Variants in GUCA1B observed in about 807,000 individuals in gnomAD.
GUCA1B encodes the protein guanylate cyclase activator 1B, also known as guanylyl cyclase-activating protein 2.
Under a neutral mutation model 24.2 loss-of-function variants are expected in GUCA1B, and 22 were observed. That is an observed-to-expected ratio of 0.91 (90% CI 0.65 to 1.30). GUCA1B has a LOEUF of 1.30. GUCA1B is among the 50% of genes most tolerant of loss of function. The probability of loss-of-function intolerance (pLI) is 0.00; values close to 1 mark genes in which losing one functional copy is unlikely to be tolerated. For synonymous variants in GUCA1B, 100 were observed against 97.9 expected (o/e 1.02, Z -0.13); for missense variants, 221 against 258.8 (o/e 0.85, Z 1.00).
At position 42,184,533 on chromosome 6, in the gene GUCA1B, AG is replaced by A; in HGVS notation, c.*281del. 2.2e-6 allele frequency: 1 copy of A among 457,190 alleles called. No homozygotes were observed. The highest frequency in any genetic ancestry group is 4.1e-6 in the Non-Finnish European group (1 of 244,810). The allele number at this position is 457,190 out of a possible 1,614,324, so 28.3% of individuals were successfully genotyped here. On this transcript the variant is annotated 3_prime_UTR_variant, in exon 4 of 4. Coordinates refer to ENST00000230361, the MANE Select transcript of GUCA1B (RefSeq NM_002098.6). ...ACTGAGAACACCCAGAAACTGTGGG[AG>A]CCCCACAACCACCCAGCCAAGGCAC...
intron 1 of GUCA1B, among the ~76,000 whole-genome samples, chr6:42,190,755 A>G (rs994780162): frequency 6.6e-6 from 1 of 152,100 alleles, no homozygotes; most frequent in Non-Finnish European, 1.5e-5. Flanking sequence ...CTTAAGATCT[A>G]TTTCTGTCCA....
intron 2 of GUCA1B, among the ~76,000 whole-genome samples, chr6:42,187,692 G>C (rs1007124053): frequency 1.3e-5 from 2 of 151,914 alleles, no homozygotes; most frequent in Non-Finnish European, 2.9e-5. Context: ...CAAAGTGCTG[G>C]GGTTACATGT....
In GUCA1B at chr6:42,194,880, T is replaced by C. The variant is rs145820031; in HGVS notation, c.-60A>G. 638 of 1,242,808 alleles carry C rather than the reference T, an allele frequency of 5.1e-4. 2 individuals are homozygous for C. The East Asian group carries it at 0.013, about 24-fold the overall frequency. 77.0% of individuals were successfully genotyped at this position (1,242,808 alleles called of 1,614,324 possible). On this transcript the variant is annotated 5_prime_UTR_variant, in exon 1 of 4. Coordinates refer to ENST00000230361, the MANE Select transcript of GUCA1B (RefSeq NM_002098.6). Reference sequence around the variant, plus strand: ...GTATCTCCTCCCTGGCTTCTGCTGATGGATCTCTCCAACTAGGGCCCTCTT... The same window carrying C: ...GTATCTCCTCCCTGGCTTCTGCTGACGGATCTCTCCAACTAGGGCCCTCTT...
At chr6:42,193,074 C>CTG (rs751622548) in intron 1 of GUCA1B, among the ~76,000 whole-genome samples, 1 of 152,006 alleles carries the variant, frequency 6.6e-6, no homozygotes, top group Non-Finnish European at 1.5e-5. Context: ...ATGTGAATAA[C>CTG]TGGGGAAATT....
rs184318315 is a variant in GUCA1B, at chr6:42,194,506, G to A, written c.207+108C>T. ...AAAGAGAGACGGAGTGGAAAGAAGA[G>A]CAGAGAAAGAGCCGAGGAGTGGGGA... is the stretch of plus-strand genomic sequence containing the variant. On this transcript the variant is annotated intron_variant, in intron 1 of 3. Transcript: ENST00000230361. 8.8e-4 allele frequency: 675 copies of A among 770,094 alleles called. 15 individuals are homozygous for A. The East Asian group carries it at 0.011, about 12-fold the overall frequency. 47.7% of individuals were successfully genotyped at this position (770,094 alleles called of 1,614,324 possible). A position where few individuals can be genotyped will look rare whatever the true frequency, so the allele number is the denominator to read the frequency against.
intron 2 of GUCA1B, among the ~76,000 whole-genome samples, chr6:42,187,446 G>C (rs1307732920): frequency 6.0e-5 from 8 of 132,942 alleles, no homozygotes; most frequent in Admixed American, 5.3e-4. Flanking sequence ...TTAAAGACAA[G>C]GTTTCACTCT....
intron 2 of GUCA1B, among the ~76,000 whole-genome samples, chr6:42,188,335 CCA>C (rs1256319421): frequency 1.4e-5 from 2 of 141,688 alleles, no homozygotes; most frequent in Non-Finnish European, 3.1e-5. Flanking sequence ...TGTGTGTGTT[CCA>C]CAGAGTATGT....
intron 1 of GUCA1B, among the ~76,000 whole-genome samples, chr6:42,190,722 G>A (rs1368565762): frequency 1.3e-5 from 2 of 152,106 alleles, no homozygotes; most frequent in Non-Finnish European, 2.9e-5. Flanking sequence ...AGTGCATCAC[G>A]TCGGAAGAAC....
chr6:42,186,700 C>A (rs9471800), intron 2 of GUCA1B, among the ~76,000 whole-genome samples: 1 of 151,876 alleles, frequency 6.6e-6, no homozygotes, highest in African/African-American at 2.4e-5. Context: ...ACAGAAGCTG[C>A]GTCTTATGCA....
In GUCA1B at chr6:42,184,086, CT is replaced by C. The variant is rs1768150717; in HGVS notation, c.*728del. Among the ~76,000 whole-genome samples the C allele has an allele frequency of 1.3e-5, 2 of 151,330 alleles. No homozygotes were observed. The highest frequency in any genetic ancestry group is 1.9e-4 in the East Asian group (1 of 5,140). On this transcript the variant is annotated 3_prime_UTR_variant, in exon 4 of 4. Coordinates refer to ENST00000230361, the MANE Select transcript of GUCA1B (RefSeq NM_002098.6). ...CTGCCCCCCAAAACTCCTGCCTTTT[CT>C]TTTCTTTCTTTTTTTTTTTTTGAGA...
At chr6:42,187,508 C>A (rs917378114) in intron 2 of GUCA1B, among the ~76,000 whole-genome samples, 1 of 151,640 alleles carries the variant, frequency 6.6e-6, no homozygotes, top group Non-Finnish European at 1.5e-5. Context: ...GCAGCCTCGA[C>A]CTTCCAGGCT....
At chr6:42,192,956 A>T (rs1381764957) in intron 1 of GUCA1B, among the ~76,000 whole-genome samples, 3 of 152,178 alleles carry the variant, frequency 2.0e-5, no homozygotes, top group Non-Finnish European at 4.4e-5. Context: ...TCTTAAAAAA[A>T]GTATATGTAT....
chr6:42,185,020 C>T (rs1768170396), intron 3 of GUCA1B, 78 bp from the exon 4 acceptor site: 2 of 1,392,108 alleles, frequency 1.4e-6, no homozygotes, highest in Non-Finnish European at 2.0e-6. Flanking sequence ...AGACCTCGCT[C>T]CCAGGATGCG....
intron 1 of GUCA1B, among the ~76,000 whole-genome samples, chr6:42,192,349 A>G (rs564919357): frequency 0.085 from 4,260 of 49,840 alleles, 386 homozygotes; most frequent in African/African-American, 0.27. Flanking sequence ...GCGAGACTCC[A>G]ACTCAAAAAA....
intron 1 of GUCA1B, among the ~76,000 whole-genome samples, chr6:42,189,971 A>G (rs1768274457): frequency 6.6e-6 from 1 of 152,126 alleles, no homozygotes; most frequent in Admixed American, 6.5e-5. Context: ...ATCCCCCAGG[A>G]GTGCCTGTCA....
intron 1 of GUCA1B, among the ~76,000 whole-genome samples, chr6:42,191,225 T>C (rs540461159): frequency 2.8e-4 from 43 of 152,276 alleles, no homozygotes; most frequent in African/African-American, 9.9e-4. Context: ...ATGCATGTTA[T>C]ATAAGAATCC....
rs75437254 is a variant in GUCA1B, at chr6:42,183,612, A to G, written c.*1203T>C. 0.014 allele frequency among the ~76,000 whole-genome samples: 2,180 copies of G among 152,340 alleles called. 53 individuals are homozygous for G. The highest frequency in any genetic ancestry group is 0.05 in the African/African-American group (2,076 of 41,568). ...AGTCCGACCTGCTCACTGTGCTGCC[A>G]AGACATAACCAAGGTTAGGGAGGAG... On this transcript the variant is annotated 3_prime_UTR_variant, in exon 4 of 4. Transcript: ENST00000230361.
Position 42,185,760 on chromosome 6 carries a change from A to C in GUCA1B, c.395T>G (p.Leu132Arg). 6.2e-7 allele frequency: 1 copy of C among 1,613,416 alleles called. No homozygotes were observed. The highest frequency in any genetic ancestry group is 8.5e-7 in the Non-Finnish European group (1 of 1,179,568). Residue 132 changes from leucine (L) to arginine (R), a missense_variant, in exon 3 of 4, where the codon CTA becomes CGA. Coordinates refer to ENST00000230361, the MANE Select transcript of GUCA1B (RefSeq NM_002098.6). ...YQLKKACRRE[L>R]QTEQGQLLTP... Reference sequence around the variant, plus strand: ...GAGCAGCTGGCCTTGCTCAGTTTGTAGCTCTCGCCGGCAGGCTTTCTTCAG... The same window carrying C: ...GAGCAGCTGGCCTTGCTCAGTTTGTCGCTCTCGCCGGCAGGCTTTCTTCAG...
rs1768160096 is a variant in GUCA1B, at chr6:42,184,490, A to C, written c.*325T>G. On this transcript the variant is annotated 3_prime_UTR_variant, in exon 4 of 4. Transcript: ENST00000230361. ...TTGGTCTGTGGGACCCTCACCCCTCAGTTGGCTCTTGCTTCCAACTGAGAA... is the reference window on the plus strand; with the variant it reads ...TTGGTCTGTGGGACCCTCACCCCTCCGTTGGCTCTTGCTTCCAACTGAGAA... 1.0e-5 allele frequency: 4 copies of C among 396,706 alleles called. No homozygotes were observed. Among genetic ancestry groups the C allele is most frequent in the Non-Finnish European group, 1.9e-5 (4 of 207,086 alleles). 24.6% of individuals were successfully genotyped at this position (396,706 alleles called of 1,614,324 possible). A position where few individuals can be genotyped will look rare whatever the true frequency, so the allele number is the denominator to read the frequency against.
Sources: gnomAD v4.1 joint callset for allele counts (sites outside exome capture counted in the v4.1 genomes callset) on GRCh38, gnomAD v4.1.1 for gene constraint, MANE v1.5 for transcripts, NCBI Gene and HGNC (gene_info 2026-07-23, HGNC 2026-07-21) for gene names.